The following PCDH15 variants were observed in gnomAD, a reference collection of about 807,000 sequenced individuals.
PCDH15 encodes the protein protocadherin-15.
Under a neutral mutation model 178.5 loss-of-function variants are expected in PCDH15, and 129 were observed. That is an observed-to-expected ratio of 0.72 (90% CI 0.63 to 0.84). PCDH15 has a LOEUF of 0.84. PCDH15 is among the 40% of genes least tolerant of loss of function. The probability of loss-of-function intolerance (pLI) is 0.00; values close to 1 mark genes in which losing one functional copy is unlikely to be tolerated. For missense variants in PCDH15, 2,230 were observed against 2,099.9 expected, an observed-to-expected ratio of 1.06 and a Z score of -1.21; for synonymous variants, 800 against 732.0, an observed-to-expected ratio of 1.09 and a Z score of -1.50.
At position 54,990,361 on chromosome 10, in the gene PCDH15, C is replaced by T. The variant is rs78738762; in HGVS notation, c.-79-92861G>A. Among the ~76,000 whole-genome samples, 212 of 152,150 alleles carry T rather than the reference C, an allele frequency of 1.4e-3. 5 individuals carry two copies. The East Asian group carries it at 0.039, about 28-fold the overall frequency. ...TGCTTTAAAGGTATTAAATAGATTA[C>T]TGGATTTAGAAAATGTCCCCTAAGC... On this transcript the variant is annotated intron_variant, in intron 2 of 5. Transcript: ENST00000458638.
intron 2 of PCDH15, among the ~76,000 whole-genome samples, chr10:55,398,563 T>C (rs1455421040): frequency 1.3e-5 from 2 of 152,182 alleles, no homozygotes; most frequent in African/African-American, 4.8e-5. Context: ...AACATAATGA[T>C]GCTAAACAAA....
intron 1 of PCDH15, chr10:55,247,773 C>T (rs1223658892): frequency 6.6e-6 from 1 of 151,264 alleles, no homozygotes. Flanking sequence ...ACAAATTGGC[C>T]AGGCGTAGTC....
At chr10:55,256,892 G>A (rs1392347648) in intron 1 of PCDH15, among the ~76,000 whole-genome samples, 1 of 152,156 alleles carries the variant, frequency 6.6e-6, no homozygotes, top group Non-Finnish European at 1.5e-5. Context: ...CTCCCAGTAC[G>A]CAGCTGGAGA....
intron 2 of PCDH15, among the ~76,000 whole-genome samples, chr10:55,421,393 G>A (rs11004841): frequency 0.27 from 40,312 of 147,772 alleles, 6,711 homozygotes; most frequent in African/African-American, 0.47. Flanking sequence ...AATTATTTGC[G>A]TAAATTTTAA....
intron 17 of PCDH15, among the ~76,000 whole-genome samples, chr10:54,071,933 T>C (rs2094251519): frequency 6.6e-6 from 1 of 152,130 alleles, no homozygotes; most frequent in Non-Finnish European, 1.5e-5. Context: ...TGTTTACTAA[T>C]AGAACACACA....
chr10:54,694,305 C>T (rs905592680), intron 1 of PCDH15, among the ~76,000 whole-genome samples: 2 of 151,444 alleles, frequency 1.3e-5, no homozygotes, highest in African/African-American at 4.9e-5. Context: ...CAAATAATAA[C>T]TGCAAATTGT....
chr10:53,995,834 C>T, intron 20 of PCDH15, 69 bp from the exon 21 acceptor site: 1 of 1,348,930 alleles, frequency 7.4e-7, no homozygotes, highest in Non-Finnish European at 1.1e-6. Flanking sequence ...ACTAGATTGA[C>T]TCCCAGTCTT....
intron 1 of PCDH15, among the ~76,000 whole-genome samples, chr10:55,204,210 AG>A (rs1313577450): frequency 1.3e-5 from 2 of 149,264 alleles, no homozygotes; most frequent in Non-Finnish European, 3.0e-5. Context: ...AATATACTCA[AG>A]GGTTTTAAAT....
At chr10:55,080,884 T>C (rs1842024730) in intron 2 of PCDH15, among the ~76,000 whole-genome samples, 1 of 152,106 alleles carries the variant, frequency 6.6e-6, no homozygotes, top group South Asian at 2.1e-4. Context: ...GTTTTCAGGC[T>C]TGCCCACCTC....
chr10:53,827,442 G>A lies in PCDH15; in HGVS notation c.4318C>T (p.Pro1440Ser), dbSNP rs2076754812. 1 of 1,613,124 alleles carries A rather than the reference G, an allele frequency of 6.2e-7. No homozygotes were observed. The highest frequency in any genetic ancestry group is 8.5e-7 in the Non-Finnish European group (1 of 1,179,400). The change falls in exon 32 of 38, where the codon CCG (proline) becomes TCG (serine). Residue 1440 changes from proline to serine, a missense_variant. Transcript: ENST00000644397. Reference sequence around the variant, plus strand: ...TAGAGATGCGCACCTGGCGGAGGCGGCGGCGGCGGCGGGGGCGCTGCCACT... The same window carrying A: ...TAGAGATGCGCACCTGGCGGAGGCGACGGCGGCGGCGGGGGCGCTGCCACT... ...APVAAPPPPP[P>S]PPPGAHLYEE...
chr10:55,254,030 T>C (rs939379516), intron 1 of PCDH15, among the ~76,000 whole-genome samples: 1 of 152,194 alleles, frequency 6.6e-6, no homozygotes, highest in Admixed American at 6.5e-5. Flanking sequence ...GCATCTTTTA[T>C]ACACAGGTCT....
At chr10:54,382,580 T>A (rs1949376132) in intron 3 of PCDH15, among the ~76,000 whole-genome samples, 1 of 152,180 alleles carries the variant, frequency 6.6e-6, no homozygotes, top group Admixed American at 6.6e-5. Flanking sequence ...ATTATGTGGT[T>A]ACATAACATG....
At chr10:54,319,715 AT>A (rs200357332) in intron 7 of PCDH15, among the ~76,000 whole-genome samples, 37,983 of 149,408 alleles carry the variant, frequency 0.25, 5,162 homozygotes, top group African/African-American at 0.37. Flanking sequence ...ACAGACCTGT[AT>A]TTTTTTTTTT....
At chr10:55,479,106 A>G (rs974902487) in intron 2 of PCDH15, among the ~76,000 whole-genome samples, 1 of 151,544 alleles carries the variant, frequency 6.6e-6, no homozygotes, top group Non-Finnish European at 1.5e-5. Flanking sequence ...ATTCAAAAAT[A>G]TTAGAGTGGA....
chr10:53,991,275 T>C (rs2091462090), intron 21 of PCDH15, among the ~76,000 whole-genome samples: 2 of 152,196 alleles, frequency 1.3e-5, no homozygotes. Context: ...GCTGGGCTCC[T>C]GAGTCTGGTG....
intron 2 of PCDH15, among the ~76,000 whole-genome samples, chr10:55,090,293 T>C (rs1219199793): frequency 6.6e-6 from 1 of 152,052 alleles, no homozygotes; most frequent in Non-Finnish European, 1.5e-5. Context: ...ACAAGAATTA[T>C]ACAATATTCA....
chr10:53,914,753 T>TA (rs2083405993), intron 25 of PCDH15, among the ~76,000 whole-genome samples: 1 of 152,098 alleles, frequency 6.6e-6, no homozygotes, highest in African/African-American at 2.4e-5. Context: ...CCCTAGAACT[T>TA]AAAGTATATA....
At chr10:54,766,547 A>C (rs1447776909) in intron 1 of PCDH15, among the ~76,000 whole-genome samples, 1 of 151,902 alleles carries the variant, frequency 6.6e-6, no homozygotes, top group Admixed American at 6.6e-5. Context: ...GATACAAGAA[A>C]AAAAAAAAGG....
chr10:55,479,646 G>C (rs1273392097), intron 2 of PCDH15, among the ~76,000 whole-genome samples: 1 of 151,514 alleles, frequency 6.6e-6, no homozygotes, highest in Non-Finnish European at 1.5e-5. Context: ...CTTCAACATA[G>C]TACTAGATGT....
Sources: gnomAD v4.1 joint callset for allele counts (sites outside exome capture counted in the v4.1 genomes callset) on GRCh38, gnomAD v4.1.1 for gene constraint, MANE v1.5 for transcripts, NCBI Gene and HGNC (gene_info 2026-07-23, HGNC 2026-07-21) for gene names.